LAMA1: variants seen among roughly 807,000 people sequenced by gnomAD.
LAMA1 encodes laminin subunit alpha 1.
In LAMA1, 219 loss-of-function variants were observed where a neutral mutation model predicts 348.7. The ratio of observed to expected loss-of-function variants is 0.63; its 90% CI spans 0.56 to 0.70. LAMA1 has a LOEUF of 0.70. LAMA1 is among the 30% of genes least tolerant of loss of function. The probability of loss-of-function intolerance (pLI) is 0.00; values close to 1 mark genes in which losing one functional copy is unlikely to be tolerated. For synonymous variants in LAMA1, 1,487 were observed against 1,491.0 expected (o/e 1.00, Z 0.06); for missense variants, 3,744 against 3,888.0 (o/e 0.96, Z 0.99).
chr18:7,044,162 CAAAAAAA>C (rs60402984), intron 7 of LAMA1, among the ~76,000 whole-genome samples: 468 of 40,228 alleles, frequency 0.012, 2 homozygotes, highest in African/African-American at 0.026. Flanking sequence ...GACTCCATCT[CAAAAAAA>C]AAAAAAAAAA....
chr18:7,008,456 C>T (rs1260048355), intron 28 of LAMA1, 32 bp downstream of exon 28: 5 of 1,612,924 alleles, frequency 3.1e-6, no homozygotes, highest in Non-Finnish European at 4.2e-6. Context: ...AACTCAAACC[C>T]AGGAAATAGA....
intron 61 of LAMA1, among the ~76,000 whole-genome samples, chr18:6,945,033 C>T (rs183263270): frequency 1.5e-3 from 223 of 152,200 alleles, no homozygotes; most frequent in African/African-American, 5.1e-3. Context: ...CTTCTGATTG[C>T]ATTCCTAATT....
At position 7,011,380 on chromosome 18, in the gene LAMA1, G is replaced by A; in HGVS notation, c.3607C>T (p.Leu1203=). Residue 1203 remains leucine, a synonymous_variant, in exon 25 of 63, where the codon CTG becomes TTG. Transcript: ENST00000389658. ...GVYYQAPDFL[L]DAATVRQHIR... The stretch of plus-strand genomic sequence containing the variant: ...TGCTGCCGGACGGTGGCGGCATCCA[G>A]CAGGAAGTCGGGGGCCTGGTAGTAA... 6.2e-7 allele frequency: 1 copy of A among 1,611,332 alleles called. No individual in the cohort carries two copies. The highest frequency in any genetic ancestry group is 8.5e-7 in the Non-Finnish European group (1 of 1,179,000).
intron 1 of LAMA1, among the ~76,000 whole-genome samples, chr18:7,090,270 G>A (rs1485945718): frequency 6.6e-6 from 1 of 152,112 alleles, no homozygotes; most frequent in East Asian, 1.9e-4. Flanking sequence ...CAAAGCTAAG[G>A]CTTAAATATG....
intron 57 of LAMA1, 66 bp downstream of exon 57, chr18:6,955,287 G>T: frequency 8.1e-7 from 1 of 1,227,924 alleles, no homozygotes; most frequent in Non-Finnish European, 1.2e-6. Context: ...AAGACTCTGT[G>T]GCTGCAGAAC....
rs182952043 is a variant in LAMA1 at position 7,018,188 on chromosome 18, T to C, written c.2702-804A>G. The stretch of plus-strand genomic sequence containing the variant: ...CCATCTCTACTAAAAATACAAAAAT[T>C]AGCCAGGCGTGGTGGCACGTGCCTG... On this transcript the variant is annotated intron_variant, in intron 19 of 62. Transcript: ENST00000389658. Among the ~76,000 whole-genome samples, 422 of 151,352 alleles carry C rather than the reference T, an allele frequency of 2.8e-3. 1 individual carries two copies. Among genetic ancestry groups the C allele is most frequent in the African/African-American group, 9.8e-3 (404 of 41,312 alleles).
intron 3 of LAMA1, among the ~76,000 whole-genome samples, chr18:7,068,299 A>G (rs960152429): frequency 6.6e-6 from 1 of 152,206 alleles, no homozygotes; most frequent in Non-Finnish European, 1.5e-5. Context: ...GCCTTTAAAG[A>G]TGCAATGAAA....
At chr18:7,038,743 A>G in intron 11 of LAMA1, 67 bp downstream of exon 11, 3 of 1,602,860 alleles carry the variant, frequency 1.9e-6, no homozygotes, top group Non-Finnish European at 2.6e-6. Flanking sequence ...CTCCTCACAC[A>G]GCTCGTGCCA....
chr18:7,043,549 T>C (rs2058029461), intron 7 of LAMA1, 144 bp from the exon 8 acceptor site: 1 of 691,846 alleles, frequency 1.4e-6, no homozygotes, highest in Non-Finnish European at 2.5e-6. Context: ...ATGGGCAGTA[T>C]TATGGAGGAC....
Position 7,059,877 on chromosome 18 carries a change from GC to G in LAMA1, c.346-8942del, listed in dbSNP as rs377568435. On this transcript the variant is annotated intron_variant, in intron 3 of 62. Coordinates refer to ENST00000389658, the MANE Select transcript of LAMA1 (RefSeq NM_005559.4). ...TTAAGTGCATTTGATAAATAATATT[GC>G]TGAGTTATCCCTGTGAAAGTGGCGA... Among the ~76,000 whole-genome samples, 35 of 152,322 alleles carry G rather than the reference GC, an allele frequency of 2.3e-4. No individual in the cohort carries two copies. In the South Asian group the frequency reaches 6.6e-3, roughly 29 times the overall value.
chr18:7,069,557 C>T (rs2058137564), intron 3 of LAMA1, among the ~76,000 whole-genome samples: 1 of 152,158 alleles, frequency 6.6e-6, no homozygotes, highest in Non-Finnish European at 1.5e-5. Context: ...GTGGCTCATA[C>T]AGCACAGGGA....
intron 36 of LAMA1, among the ~76,000 whole-genome samples, chr18:6,987,208 T>C (rs2144062111): frequency 6.6e-6 from 1 of 152,182 alleles, no homozygotes; most frequent in East Asian, 1.9e-4. Flanking sequence ...ATTTTAGTAA[T>C]GGAATTAAAA....
chr18:7,026,217 C>T, intron 16 of LAMA1, 111 bp from the exon 17 acceptor site: 1 of 1,310,200 alleles, frequency 7.6e-7, no homozygotes, highest in Admixed American at 2.0e-5. Flanking sequence ...ATGCTAAAAC[C>T]AGTCACCAAC....
chr18:6,961,305 C>T (rs1429783457), intron 53 of LAMA1, among the ~76,000 whole-genome samples: 5 of 152,222 alleles, frequency 3.3e-5, no homozygotes, highest in Non-Finnish European at 5.9e-5. Flanking sequence ...AAGAAAACTC[C>T]GTATATGCTA....
intron 1 of LAMA1, among the ~76,000 whole-genome samples, chr18:7,097,907 T>G (rs1817979331): frequency 6.6e-6 from 1 of 151,048 alleles, no homozygotes; most frequent in Admixed American, 6.6e-5. Flanking sequence ...CCTCTCATGC[T>G]GAGCCGAAGC....
In LAMA1 at chr18:7,032,085, T is replaced by G; in HGVS notation, c.2255A>C (p.Asn752Thr). 1 of 1,614,060 alleles carries G rather than the reference T, an allele frequency of 6.2e-7. No homozygotes were observed. The highest frequency in any genetic ancestry group is 1.1e-5 in the South Asian group (1 of 91,066). The change falls in exon 16 of 63, where the codon AAT (asparagine) becomes ACT (threonine). Residue 752 changes from asparagine to threonine, a missense_variant. Physicochemically the swap from Asn to Thr is moderately conservative, Grantham distance 65. Around this residue, in one of 3 missense-constraint regions of LAMA1, gnomAD observed 1,529 missense variants for 1,689.4 expected, o/e 0.91. Transcript: ENST00000389658. ...CECHGHAAEC[N>T]VHGVCIACAH... ...ACTCACAATGCAAACGCCGTGAACA[T>G]TACACTCAGCTGCATGGCCGTGGCA...
chr18:6,988,510 A>G (rs2057745035), intron 36 of LAMA1, among the ~76,000 whole-genome samples: 2 of 152,162 alleles, frequency 1.3e-5, no homozygotes, highest in Admixed American at 6.5e-5. Context: ...CTTTAATGAC[A>G]TATCTTTGGT....
chr18:7,101,059 A>G lies in LAMA1; in HGVS notation c.61+16601T>C, dbSNP rs143662361. On this transcript the variant is annotated intron_variant, in intron 1 of 62. Coordinates refer to ENST00000389658, the MANE Select transcript of LAMA1 (RefSeq NM_005559.4). ...GACTCCATTTTGTATGACTCCATGTATATGAAATTTCCAGAACAGGCACTT... is the reference window on the plus strand; with the variant it reads ...GACTCCATTTTGTATGACTCCATGTGTATGAAATTTCCAGAACAGGCACTT... 3.7e-4 allele frequency among the ~76,000 whole-genome samples: 56 copies of G among 152,306 alleles called. No homozygotes were observed. In the East Asian group the frequency reaches 0.011, roughly 29 times the overall value.
chr18:7,043,220 C>T lies in LAMA1; in HGVS notation c.1155+7G>A. 1.2e-6 allele frequency: 2 copies of T among 1,613,728 alleles called. No homozygotes were observed. Among genetic ancestry groups the T allele is most frequent in the African/African-American group, 1.3e-5 (1 of 75,046 alleles). ...GAAGATCAGCAATGGCAAAGAAATA[C>T]TCTTACTTTGTGTGGTCTATAATAT... On this transcript the variant is annotated splice_region_variant and intron_variant, in intron 8 of 62. Transcript: ENST00000389658.
Sources: gnomAD v4.1 joint callset for allele counts (sites outside exome capture counted in the v4.1 genomes callset) on GRCh38, gnomAD v4.1.1 for gene constraint, gnomAD v4.1.1 regional missense constraint, MANE v1.5 for transcripts, NCBI Gene and HGNC (gene_info 2026-07-23, HGNC 2026-07-21) for gene names.